Variants in MYOZ2 observed in about 807,000 individuals in gnomAD.
The protein encoded by MYOZ2 is myozenin-2.
In MYOZ2, 19 loss-of-function variants were observed where a neutral mutation model predicts 25.4. The ratio of observed to expected loss-of-function variants is 0.75; its 90% CI spans 0.52 to 1.10. The LOEUF (loss-of-function observed/expected upper bound fraction) is 1.10, where lower values mean the gene tolerates loss of function less well. Ranked by LOEUF, MYOZ2 falls within the 50% of genes least tolerant of loss-of-function variation. MYOZ2 has a pLI of 0.00. For missense variants in MYOZ2, 270 were observed against 317.9 expected, an observed-to-expected ratio of 0.85 and a Z score of 1.15; for synonymous variants, 92 against 106.9, an observed-to-expected ratio of 0.86 and a Z score of 0.86.
intron 2 of MYOZ2, among the ~76,000 whole-genome samples, chr4:119,137,831 A>G (rs576660797): frequency 6.6e-6 from 1 of 152,320 alleles, no homozygotes; most frequent in South Asian, 2.1e-4. Flanking sequence ...TTGTGTTTCC[A>G]GATTCAAGTA....
chr4:119,156,302 T>C (rs528583694), intron 3 of MYOZ2, among the ~76,000 whole-genome samples: 2 of 151,382 alleles, frequency 1.3e-5, no homozygotes, highest in Non-Finnish European at 2.9e-5. Context: ...AATGGGGGAA[T>C]CTTGATCTAT....
At chr4:119,150,431 G>C (rs1561109562) in intron 2 of MYOZ2, among the ~76,000 whole-genome samples, 1 of 151,772 alleles carries the variant, frequency 6.6e-6, no homozygotes. Flanking sequence ...ACCGAGTCTG[G>C]GAAATGGGGT....
rs1042779984 is a variant in MYOZ2 at position 119,187,541 on chromosome 4, G to T, written c.*1341G>T. The T allele has an allele frequency of 1.4e-4, 22 of 152,018 alleles. No individual in the cohort carries two copies. The highest frequency in any genetic ancestry group is 2.6e-4 in the Non-Finnish European group (18 of 67,958). The allele number at this position is 152,018 out of a possible 1,614,324, so 9.4% of individuals were successfully genotyped here. ...TTAAGTAGAAAAATTTTAAAAATTT[G>T]CTTATGAAAATATAACCCCCAGAAA... On this transcript the variant is annotated 3_prime_UTR_variant, in exon 6 of 6. Coordinates refer to ENST00000307128, the MANE Select transcript of MYOZ2 (RefSeq NM_016599.5).
chr4:119,182,516 A>G (rs991788024), intron 5 of MYOZ2, among the ~76,000 whole-genome samples: 3 of 147,976 alleles, frequency 2.0e-5, no homozygotes, highest in Non-Finnish European at 4.5e-5. Context: ...GTGGAAGACA[A>G]TGTTTCCAAG....
intron 4 of MYOZ2, among the ~76,000 whole-genome samples, chr4:119,161,604 T>C (rs1368927515): frequency 1.3e-5 from 2 of 152,124 alleles, no homozygotes; most frequent in African/African-American, 2.4e-5. Context: ...TTCTTTTCTG[T>C]AGATAACTCA....
intron 4 of MYOZ2, among the ~76,000 whole-genome samples, chr4:119,158,685 G>A (rs1050336296): frequency 6.6e-6 from 1 of 152,106 alleles, no homozygotes; most frequent in Non-Finnish European, 1.5e-5. Context: ...CTGCTATATT[G>A]AAAATTATAA....
chr4:119,145,501 T>G (rs1489043630), intron 2 of MYOZ2, among the ~76,000 whole-genome samples: 1 of 135,174 alleles, frequency 7.4e-6, no homozygotes, highest in African/African-American at 2.8e-5. Flanking sequence ...CATGCCCAGC[T>G]AAAACTGTGT....
At chr4:119,149,113 G>GC (rs70944843) in intron 2 of MYOZ2, among the ~76,000 whole-genome samples, 89,655 of 151,942 alleles carry the variant, frequency 0.59, 28,749 homozygotes, top group Non-Finnish European at 0.72. Context: ...ACTCATTACT[G>GC]CAGGTGAATG....
intron 4 of MYOZ2, among the ~76,000 whole-genome samples, chr4:119,160,794 A>G (rs1401912751): frequency 1.3e-5 from 2 of 152,078 alleles, no homozygotes; most frequent in Admixed American, 6.5e-5. Context: ...ATAATTGTAC[A>G]TATTCTTGGG....
chr4:119,159,753 G>C (rs910265748), intron 4 of MYOZ2, among the ~76,000 whole-genome samples: 2 of 151,884 alleles, frequency 1.3e-5, no homozygotes, highest in African/African-American at 2.4e-5. Flanking sequence ...TGTTATACAG[G>C]TACAGCACCT....
intron 5 of MYOZ2, among the ~76,000 whole-genome samples, chr4:119,183,970 A>G (rs926142345): frequency 6.6e-6 from 1 of 151,898 alleles, no homozygotes; most frequent in East Asian, 1.9e-4. Flanking sequence ...ATGCGCCACC[A>G]TGCCCTGCTA....
In MYOZ2 at chr4:119,175,355, G is replaced by C. The variant is rs184274676; in HGVS notation, c.561-10611G>C. ...ATGTAATTCAGAAAACAAAATAACTGAATAAATTCATTTCTGGAATAAATA... is the reference window on the plus strand; with the variant it reads ...ATGTAATTCAGAAAACAAAATAACTCAATAAATTCATTTCTGGAATAAATA... On this transcript the variant is annotated intron_variant, in intron 5 of 5. Transcript: ENST00000307128. Among the ~76,000 whole-genome samples, 358 of 152,220 alleles carry C rather than the reference G, an allele frequency of 2.4e-3. 2 individuals carry two copies. Among genetic ancestry groups the C allele is most frequent in the African/African-American group, 8.3e-3 (343 of 41,536 alleles).
Position 119,164,395 on chromosome 4 carries a change from G to T in MYOZ2, c.560+1G>T, listed in dbSNP as rs760946395. 6.2e-7 allele frequency: 1 copy of T among 1,613,942 alleles called. No homozygotes were observed. The highest frequency in any genetic ancestry group is 2.2e-5 in the East Asian group (1 of 44,848). ...TGCCTGATTACAGGAGCTTTAACAG[G>T]TAATTCAATGGTCCTGGGTGACACT... On this transcript the variant is annotated splice_donor_variant, in intron 5 of 5. Coordinates refer to ENST00000307128, the MANE Select transcript of MYOZ2 (RefSeq NM_016599.5). LOFTEE classifies it high-confidence loss of function.
intron 5 of MYOZ2, among the ~76,000 whole-genome samples, chr4:119,167,624 A>G (rs1456320536): frequency 2.6e-5 from 4 of 152,252 alleles, no homozygotes; most frequent in Non-Finnish European, 5.9e-5. Context: ...TTCCATAGCT[A>G]GAGAGAAGTC....
At chr4:119,180,560 C>T (rs1436762737) in intron 5 of MYOZ2, among the ~76,000 whole-genome samples, 1 of 152,076 alleles carries the variant, frequency 6.6e-6, no homozygotes, top group African/African-American at 2.4e-5. Flanking sequence ...TTCATGATCA[C>T]ATATATTTTT....
rs546093220 is a variant in MYOZ2 at position 119,175,147 on chromosome 4, A to C, written c.560+10753A>C. ...GAGACCAAGAACCCACCAATTCCCGACACAGTAGGAGATGGGAGGTGGATG... is the reference window on the plus strand; with the variant it reads ...GAGACCAAGAACCCACCAATTCCCGCCACAGTAGGAGATGGGAGGTGGATG... On this transcript the variant is annotated intron_variant, in intron 5 of 5. Transcript: ENST00000307128. 4.6e-5 allele frequency among the ~76,000 whole-genome samples: 7 copies of C among 152,092 alleles called. No individual in the cohort carries two copies. The East Asian group carries it at 1.4e-3, about 29-fold the overall frequency.
chr4:119,140,801 T>C (rs1229790271), intron 2 of MYOZ2, among the ~76,000 whole-genome samples: 1 of 152,232 alleles, frequency 6.6e-6, no homozygotes, highest in African/African-American at 2.4e-5. Flanking sequence ...ATTTTTTGAA[T>C]GTTTATAGAT....
rs149115503 is a variant in MYOZ2, at chr4:119,163,049, T to G, written c.377-1162T>G. 2.2e-4 allele frequency among the ~76,000 whole-genome samples: 34 copies of G among 152,286 alleles called. No individual in the cohort carries two copies. The East Asian group carries it at 6.2e-3, about 28-fold the overall frequency. On this transcript the variant is annotated intron_variant, in intron 4 of 5. Coordinates refer to ENST00000307128, the MANE Select transcript of MYOZ2 (RefSeq NM_016599.5). ...TTGAAGCTATGAATATAAATGGAAT[T>G]TTCTAGGTAGAGTGCATTGTGTAAG...
chr4:119,180,138 G>C (rs1046244968), intron 5 of MYOZ2, among the ~76,000 whole-genome samples: 1 of 152,174 alleles, frequency 6.6e-6, no homozygotes, highest in Non-Finnish European at 1.5e-5. Flanking sequence ...GATCAAGGTG[G>C]TGTTTCAGGC....
Sources: gnomAD v4.1 joint callset for allele counts (sites outside exome capture counted in the v4.1 genomes callset) on GRCh38, gnomAD v4.1.1 for gene constraint, MANE v1.5 for transcripts, NCBI Gene and HGNC (gene_info 2026-07-23, HGNC 2026-07-21) for gene names.